The following CFAP57 variants were observed in gnomAD, a reference collection of about 807,000 sequenced individuals.
The protein encoded by CFAP57 is cilia and flagella associated protein 57.
In CFAP57, 116 loss-of-function variants were observed where a neutral mutation model predicts 146.8. That is an observed-to-expected ratio of 0.79 (90% CI 0.68 to 0.92). The LOEUF is 0.92. CFAP57 is among the 40% of genes least tolerant of loss of function. The pLI is 0.00. For synonymous variants in CFAP57, 518 were observed against 552.8 expected, an observed-to-expected ratio of 0.94 and a Z score of 0.88; for missense variants, 1,377 against 1,527.2, an observed-to-expected ratio of 0.90 and a Z score of 1.64.
In CFAP57 at chr1:43,201,555, G is replaced by A. The variant is rs1283881800; in HGVS notation, c.1542+2052G>A. On this transcript the variant is annotated intron_variant, in intron 9 of 22. Coordinates refer to ENST00000372492, the MANE Select transcript of CFAP57 (RefSeq NM_001378189.1). This position sits in a 1 kb window ranked among gnomAD's most constrained non-coding sequence, Gnocchi z 4.4. Reference sequence around the variant, plus strand: ...GGCTGGAGTGCAGAGGCGTGATCTCGGCTCACTGCAACCTCCACCTCCTGA... The same window carrying A: ...GGCTGGAGTGCAGAGGCGTGATCTCAGCTCACTGCAACCTCCACCTCCTGA... Among the ~76,000 whole-genome samples the A allele has an allele frequency of 1.3e-5, 2 of 152,108 alleles. No homozygotes were observed. The highest frequency in any genetic ancestry group is 2.1e-4 in the South Asian group (1 of 4,830).
intron 22 of CFAP57, among the ~76,000 whole-genome samples, chr1:43,248,950 C>T (rs1047369297): frequency 5.9e-5 from 9 of 151,868 alleles, no homozygotes; most frequent in South Asian, 2.1e-4. Flanking sequence ...GGCGTGATCT[C>T]GGCTCAGTGC....
In CFAP57 at chr1:43,222,101, C is replaced by A; in HGVS notation, c.2342-4C>A. 6.5e-7 allele frequency: 1 copy of A among 1,544,968 alleles called. No individual in the cohort carries two copies. The highest frequency in any genetic ancestry group is 8.7e-7 in the Non-Finnish European group (1 of 1,144,078). ...CCTTAAATACCATCCTTGCTTCTCT[C>A]CAGAATGTTGCAACAACCAAAAGTT... On this transcript the variant is annotated splice_polypyrimidine_tract_variant and splice_region_variant and intron_variant, in intron 14 of 22. Coordinates refer to ENST00000372492, the MANE Select transcript of CFAP57 (RefSeq NM_001378189.1).
At chr1:43,224,301 C>A in intron 17 of CFAP57, 97 bp downstream of exon 17, 2 of 1,367,348 alleles carry the variant, frequency 1.5e-6, no homozygotes, top group Non-Finnish European at 1.9e-6. Context: ...CTTCTCAGGA[C>A]GCATTTCTTT....
At chr1:43,219,280 A>C (rs1472573898) in intron 12 of CFAP57, 102 bp from the exon 13 acceptor site, 2 of 1,259,762 alleles carry the variant, frequency 1.6e-6, no homozygotes, top group East Asian at 2.6e-5. Context: ...ATTGAGTTTG[A>C]AGCTAGGCAG....
chr1:43,173,783 G>A (rs916338985), intron 2 of CFAP57, among the ~76,000 whole-genome samples: 1 of 152,210 alleles, frequency 6.6e-6, no homozygotes, highest in African/African-American at 2.4e-5. Context: ...ATTCTTGCAT[G>A]CATATACATT....
intron 11 of CFAP57, among the ~76,000 whole-genome samples, chr1:43,214,126 T>C (rs1052851911): frequency 2.0e-5 from 3 of 152,032 alleles, no homozygotes; most frequent in Non-Finnish European, 4.4e-5. Context: ...CCTCAGGTGA[T>C]CCACCCTCCT....
At chr1:43,227,325 C>T (rs565388342) in intron 18 of CFAP57, among the ~76,000 whole-genome samples, 199 bp downstream of exon 18, 11 of 152,320 alleles carry the variant, frequency 7.2e-5, no homozygotes, top group South Asian at 4.1e-4. Context: ...GAAAGCAAAT[C>T]GCTTGGGAGT....
chr1:43,197,842 T>C, intron 7 of CFAP57, 150 bp downstream of exon 7: 4 of 1,118,338 alleles, frequency 3.6e-6, no homozygotes, highest in Non-Finnish European at 3.9e-6. Flanking sequence ...TCAACCTACC[T>C]GTTTCTCACT....
At chr1:43,233,776 C>T (rs1645571171) in intron 19 of CFAP57, among the ~76,000 whole-genome samples, 1 of 152,146 alleles carries the variant, frequency 6.6e-6, no homozygotes, top group African/African-American at 2.4e-5. Flanking sequence ...GGGACACTAG[C>T]CCAACTGTGT....
intron 4 of CFAP57, among the ~76,000 whole-genome samples, chr1:43,184,696 A>G (rs1164846622): frequency 6.8e-6 from 1 of 148,110 alleles, no homozygotes; most frequent in Admixed American, 6.7e-5. Context: ...GTAACCTTCA[A>G]TCCACCCATT....
Position 43,185,205 on chromosome 1 carries a change from C to T in CFAP57, c.818C>T (p.Ala273Val), listed in dbSNP as rs368874977. ...SPLPSYEQMV[A>V]ASSHSQMSMP... ...CTCCCTTCCTATGAACAGATGGTGGCGGCCAGTAGCCATAGCCAGATGTCC... is the reference window on the plus strand; with the variant it reads ...CTCCCTTCCTATGAACAGATGGTGGTGGCCAGTAGCCATAGCCAGATGTCC... The change falls in exon 5 of 23, where the codon GCG becomes GTG. Residue 273 changes from alanine (A) to valine (V), a missense_variant. Physicochemically the swap from Ala to Val is moderately conservative, Grantham distance 64. Coordinates refer to ENST00000372492, the MANE Select transcript of CFAP57 (RefSeq NM_001378189.1). 5.6e-6 allele frequency: 9 copies of T among 1,614,032 alleles called. No individual in the cohort carries two copies. Among genetic ancestry groups the T allele is most frequent in the African/African-American group, 2.7e-5 (2 of 74,894 alleles).
chr1:43,206,356 C>A, intron 9 of CFAP57: 1 of 221,578 alleles, frequency 4.5e-6, no homozygotes, highest in East Asian at 9.9e-5. Context: ...CGTGCCATTC[C>A]AGAAGTCCAC....
In CFAP57 at chr1:43,201,776, C is replaced by T. The variant is rs182593578; in HGVS notation, c.1542+2273C>T. ...GATTACAGGCATGTACCACCACACCCGGGTAATTTTGTATTTTTAATAGAG... is the reference window on the plus strand; with the variant it reads ...GATTACAGGCATGTACCACCACACCTGGGTAATTTTGTATTTTTAATAGAG... On this transcript the variant is annotated intron_variant, in intron 9 of 22. Transcript: ENST00000372492. The surrounding 1 kb of genome is among the most constrained non-coding windows in gnomAD (Gnocchi z 4.4). Among the ~76,000 whole-genome samples the T allele has an allele frequency of 5.1e-4, 78 of 152,282 alleles. No individual in the cohort carries two copies. Among genetic ancestry groups the T allele is most frequent in the East Asian group, 3.9e-3 (20 of 5,184 alleles).
chr1:43,237,222 T>G (rs1044623594), intron 21 of CFAP57, among the ~76,000 whole-genome samples: 4 of 152,136 alleles, frequency 2.6e-5, no homozygotes, highest in African/African-American at 9.7e-5. Flanking sequence ...AGTAACTCAT[T>G]AGAAAATAAC....
In CFAP57 at chr1:43,172,728, T is replaced by C; in HGVS notation, c.-19-7T>C. The C allele has an allele frequency of 6.2e-7, 1 of 1,613,546 alleles. No homozygotes were observed. The highest frequency in any genetic ancestry group is 8.5e-7 in the Non-Finnish European group (1 of 1,179,962). ...CCACTCTGAAGCGCTGCCTTGGTCT[T>C]CAGCAGAACTGTTTGGCGGGAGATC... is the stretch of plus-strand genomic sequence containing the variant. On this transcript the variant is annotated splice_polypyrimidine_tract_variant and splice_region_variant and intron_variant, in intron 1 of 22. Coordinates refer to ENST00000372492, the MANE Select transcript of CFAP57 (RefSeq NM_001378189.1).
chr1:43,215,599 C>T (rs1032897294), intron 12 of CFAP57, among the ~76,000 whole-genome samples, 183 bp downstream of exon 12: 48 of 152,282 alleles, frequency 3.2e-4, no homozygotes, highest in Non-Finnish European at 5.9e-4. Context: ...ACTGTCCACC[C>T]GACTCTGCCT....
intron 21 of CFAP57, among the ~76,000 whole-genome samples, chr1:43,242,079 A>G (rs1165246730): frequency 3.3e-5 from 5 of 152,072 alleles, no homozygotes; most frequent in Non-Finnish European, 7.4e-5. Context: ...GTGATGCAGG[A>G]CTGTTGCAGG....
At chr1:43,190,846 A>G (rs985609541) in intron 6 of CFAP57, among the ~76,000 whole-genome samples, 3 of 152,114 alleles carry the variant, frequency 2.0e-5, no homozygotes, top group Non-Finnish European at 4.4e-5. Context: ...TGGCCATAGT[A>G]TATAATCATT....
At chr1:43,195,800 A>G (rs4570454) in intron 6 of CFAP57, among the ~76,000 whole-genome samples, 27,418 of 152,174 alleles carry the variant, frequency 0.18, 3,576 homozygotes, top group African/African-American at 0.35. Flanking sequence ...ACATATGTAT[A>G]TAGTCAGTGA....
Sources: gnomAD v4.1 joint callset for allele counts (sites outside exome capture counted in the v4.1 genomes callset) on GRCh38, gnomAD v4.1.1 for gene constraint, Gnocchi (gnomAD v3.1) non-coding constraint, MANE v1.5 for transcripts, NCBI Gene and HGNC (gene_info 2026-07-23, HGNC 2026-07-21) for gene names.